The following USP40 variants were observed in gnomAD, a reference collection of about 807,000 sequenced individuals.
The protein encoded by USP40 is ubiquitin specific peptidase 40.
A neutral mutation model predicts 166.2 loss-of-function variants in USP40; 143 were observed. That is an observed-to-expected ratio of 0.86 (90% CI 0.75 to 0.99). The LOEUF is 0.99. Ranked by LOEUF, USP40 falls within the 50% of genes least tolerant of loss-of-function variation. The probability of loss-of-function intolerance (pLI) is 0.00; values close to 1 mark genes in which losing one functional copy is unlikely to be tolerated. For missense variants in USP40, 1,444 were observed against 1,479.7 expected, an observed-to-expected ratio of 0.98 and a Z score of 0.40; for synonymous variants, 498 against 524.0, an observed-to-expected ratio of 0.95 and a Z score of 0.68.
chr2:233,487,164 C>T (rs2065000969), intron 28 of USP40, among the ~76,000 whole-genome samples: 2 of 152,242 alleles, frequency 1.3e-5, no homozygotes, highest in African/African-American at 2.4e-5. Flanking sequence ...TTCCTTTAGA[C>T]TTCATTACAG....
chr2:233,511,805 A>C lies in USP40; in HGVS notation c.2438-8T>G. ...AAGTATAGCTGTCCGGCACTTAAAA[A>C]AATTTTGATAATATGATGAAGGTTA... On this transcript the variant is annotated splice_polypyrimidine_tract_variant and splice_region_variant and intron_variant, in intron 19 of 31. Coordinates refer to ENST00000678225, the MANE Select transcript of USP40 (RefSeq NM_001365479.2). 6.3e-7 allele frequency: 1 copy of C among 1,594,690 alleles called. No homozygotes were observed. Among genetic ancestry groups the C allele is most frequent in the Non-Finnish European group, 8.5e-7 (1 of 1,170,304 alleles).
intron 30 of USP40, among the ~76,000 whole-genome samples, chr2:233,482,581 AGTTTTTTTTTTTT>A (rs1320507353): frequency 3.4e-4 from 48 of 139,856 alleles, no homozygotes; most frequent in Admixed American, 2.4e-3. Flanking sequence ...TTCCCACTGG[AGTTTTTTTTTTTT>A]GTTTTTTTTT....
intron 6 of USP40, 152 bp downstream of exon 6, chr2:233,554,228 T>G: frequency 1.2e-6 from 1 of 845,066 alleles, no homozygotes; most frequent in Non-Finnish European, 1.6e-6. Context: ...AATTCATTAT[T>G]GTAAAAAATT....
rs1215915847 is a variant in USP40, at chr2:233,481,301, C to G, written c.3505-4G>C. The stretch of plus-strand genomic sequence containing the variant: ...CATCGTCGTCAATCAGGAGATTCTA[C>G]ATTTCAAAAGAAGTAATGAGCAGTG... On this transcript the variant is annotated splice_polypyrimidine_tract_variant and splice_region_variant and intron_variant, in intron 30 of 31. Coordinates refer to ENST00000678225, the MANE Select transcript of USP40 (RefSeq NM_001365479.2). The G allele has an allele frequency of 6.3e-7, 1 of 1,590,340 alleles. No individual in the cohort carries two copies. Among genetic ancestry groups the G allele is most frequent in the Non-Finnish European group, 8.6e-7 (1 of 1,167,084 alleles).
chr2:233,496,151 GCAAA>G (rs1005858442), intron 24 of USP40, among the ~76,000 whole-genome samples: 2 of 152,194 alleles, frequency 1.3e-5, no homozygotes, highest in African/African-American at 2.4e-5. Context: ...CTAATCATAA[GCAAA>G]CAGTTATCTG....
At chr2:233,518,251 TAAAAAA>T (rs1156279626) in intron 18 of USP40, among the ~76,000 whole-genome samples, 6,771 of 49,806 alleles carry the variant, frequency 0.14, 313 homozygotes, top group African/African-American at 0.2. Flanking sequence ...TAACAGATTC[TAAAAAA>T]AAAAAAAAAA....
Position 233,533,724 on chromosome 2 carries a change from C to A in USP40, c.1226G>T (p.Arg409Leu). 6.2e-7 allele frequency: 1 copy of A among 1,612,474 alleles called. No individual in the cohort carries two copies. The highest frequency in any genetic ancestry group is 1.3e-5 in the African/African-American group (1 of 74,804). Residue 409 changes from arginine to leucine, a missense_variant, in exon 11 of 32, where the codon CGT becomes CTT. Arg to Leu is a moderately radical substitution (Grantham distance 102). Coordinates refer to ENST00000678225, the MANE Select transcript of USP40 (RefSeq NM_001365479.2). ...FLLSSDESTV[R>L]LLKNSSLQAE... is the part of the protein sequence containing the mutation. Reference sequence around the variant, plus strand: ...CTGGAGAGAACTATTCTTCAAGAGACGAACTGTACTTTCATCTGAACTGAG... The same window carrying A: ...CTGGAGAGAACTATTCTTCAAGAGAAGAACTGTACTTTCATCTGAACTGAG...
At chr2:233,562,859 T>G (rs1453487388) in intron 2 of USP40, 56 bp from the exon 3 acceptor site, 1 of 1,418,114 alleles carries the variant, frequency 7.1e-7, no homozygotes, top group Non-Finnish European at 9.4e-7. Flanking sequence ...TTTAAAAAAT[T>G]GTTTTAGAAA....
Position 233,481,558 on chromosome 2 carries a change from C to G in USP40, c.3505-261G>C. ...TCCAGAAGCTTCCACTGCGAGTGGC[C>G]AAACAGGGGGACTTTAAAGGGCTAC... is the stretch of plus-strand genomic sequence containing the variant. On this transcript the variant is annotated intron_variant, in intron 30 of 31. Transcript: ENST00000678225. 6 of 491,742 alleles carry G rather than the reference C, an allele frequency of 1.2e-5. No individual in the cohort carries two copies. The South Asian group carries it at 1.4e-4, about 12-fold the overall frequency. The allele number at this position is 491,742 out of a possible 1,614,324, so 30.5% of individuals were successfully genotyped here.
intron 13 of USP40, 55 bp downstream of exon 13, chr2:233,527,350 AGT>A: frequency 6.5e-7 from 1 of 1,549,868 alleles, no homozygotes; most frequent in Non-Finnish European, 8.8e-7. Context: ...TGAAATGGAG[AGT>A]CTAGCTGGAG....
At chr2:233,507,798 G>C (rs2066530872) in intron 21 of USP40, among the ~76,000 whole-genome samples, 1 of 152,044 alleles carries the variant, frequency 6.6e-6, no homozygotes, top group Admixed American at 6.6e-5. Context: ...ATAGTTAACA[G>C]TAAGGATTGT....
chr2:233,491,182 C>A lies in USP40; in HGVS notation c.2997G>T (p.Ala999=). Residue 999 remains alanine, a synonymous_variant, in exon 26 of 32, where the codon GCG becomes GCT. Transcript: ENST00000678225. ...DIEISEDATL[A]ELKSQAMTLP... Reference sequence around the variant, plus strand: ...GAAGTCTGACCTGAGACTTCAGCTCCGCCAGCGTGGCATCTTCTGAGATCT... The same window carrying A: ...GAAGTCTGACCTGAGACTTCAGCTCAGCCAGCGTGGCATCTTCTGAGATCT... 2 of 1,609,072 alleles carry A rather than the reference C, an allele frequency of 1.2e-6. No individual in the cohort carries two copies. Among genetic ancestry groups the A allele is most frequent in the East Asian group, 2.2e-5 (1 of 44,796 alleles).
chr2:233,477,610 G>A (rs562224251), intron 31 of USP40, 107 bp from the exon 32 acceptor site: 11 of 960,634 alleles, frequency 1.1e-5, no homozygotes, highest in Middle Eastern at 5.1e-4. Context: ...CCACAAGGAC[G>A]TGCATTTGCA....
chr2:233,491,464 C>G, intron 25 of USP40: 1 of 580,856 alleles, frequency 1.7e-6, no homozygotes, highest in South Asian at 2.1e-5. Flanking sequence ...AGGTCTGTGA[C>G]ACTTATGCCC....
intron 12 of USP40, among the ~76,000 whole-genome samples, chr2:233,528,081 C>A (rs773763813): frequency 1.3e-5 from 2 of 151,488 alleles, no homozygotes; most frequent in Admixed American, 1.3e-4. Flanking sequence ...TAGGTTCAAG[C>A]GATTCTTCTG....
At chr2:233,523,587 T>G in intron 15 of USP40, 98 bp from the exon 16 acceptor site, 1 of 1,164,008 alleles carries the variant, frequency 8.6e-7, no homozygotes, top group South Asian at 1.8e-5. Context: ...AACCCTCATT[T>G]TTTCCAAGTA....
intron 18 of USP40, among the ~76,000 whole-genome samples, chr2:233,516,658 A>G (rs2067218254): frequency 6.6e-6 from 1 of 151,388 alleles, no homozygotes; most frequent in Admixed American, 6.6e-5. Flanking sequence ...ACTGCACTCT[A>G]GCCTGGGTGA....
chr2:233,564,980 T>C (rs778730679), intron 2 of USP40, among the ~76,000 whole-genome samples: 1 of 152,198 alleles, frequency 6.6e-6, no homozygotes, highest in Non-Finnish European at 1.5e-5. Context: ...AAGGTAGATA[T>C]AATTGGTTGG....
intron 31 of USP40, among the ~76,000 whole-genome samples, chr2:233,478,490 C>G (rs924512509): frequency 6.6e-6 from 1 of 152,186 alleles, no homozygotes; most frequent in African/African-American, 2.4e-5. Context: ...ACTGTTCATA[C>G]CCTTTACCTA....
Sources: gnomAD v4.1 joint callset for allele counts (sites outside exome capture counted in the v4.1 genomes callset) on GRCh38, gnomAD v4.1.1 for gene constraint, MANE v1.5 for transcripts, NCBI Gene and HGNC (gene_info 2026-07-23, HGNC 2026-07-21) for gene names.